Variants in PRRC1 observed in about 807,000 individuals in gnomAD.
PRRC1 encodes the protein protein PRRC1.
In PRRC1, 39 loss-of-function variants were observed where a neutral mutation model predicts 40.7. That is an observed-to-expected ratio of 0.96 (90% CI 0.74 to 1.25). The LOEUF is 1.25. Among genes scored for constraint, PRRC1 ranks in the 50% most tolerant of loss-of-function variants. PRRC1 has a pLI of 0.00. For missense variants in PRRC1, 573 were observed against 548.3 expected (o/e 1.05, Z -0.45); for synonymous variants, 175 against 193.3 (o/e 0.91, Z 0.79).
chr5:127,525,433 G>A (rs1767594224), intron 3 of PRRC1, among the ~76,000 whole-genome samples: 1 of 152,106 alleles, frequency 6.6e-6, no homozygotes, highest in Non-Finnish European at 1.5e-5. Context: ...ATCAGTTAAT[G>A]TTGGGTTGTT....
At chr5:127,518,630 A>G (rs1767379752) in intron 1 of PRRC1, among the ~76,000 whole-genome samples, 1 of 152,164 alleles carries the variant, frequency 6.6e-6, no homozygotes, top group Non-Finnish European at 1.5e-5. Flanking sequence ...AGTAGAGACA[A>G]TCTTGTGGCA....
intron 5 of PRRC1, among the ~76,000 whole-genome samples, chr5:127,530,874 CT>C (rs1767750778): frequency 6.6e-6 from 1 of 151,924 alleles, no homozygotes; most frequent in Non-Finnish European, 1.5e-5. Context: ...ATTGGGAAAG[CT>C]ATTTTTAACC....
Position 127,553,268 on chromosome 5 carries a change from A to G in PRRC1, c.*1352A>G. On this transcript the variant is annotated 3_prime_UTR_variant, in exon 9 of 9. Coordinates refer to ENST00000296666, the MANE Select transcript of PRRC1 (RefSeq NM_130809.5). ...TTTGCTTTGTGTTAATGCCACTTCA[A>G]GTCATTATTTGGTTTCTGCTATTTT... 1.0e-6 allele frequency: 1 copy of G among 987,402 alleles called. No homozygotes were observed. Among genetic ancestry groups the G allele is most frequent in the Non-Finnish European group, 1.2e-6 (1 of 831,406 alleles). The allele number at this position is 987,402 out of a possible 1,614,324, so 61.2% of individuals were successfully genotyped here.
chr5:127,551,311 A>G (rs1768375691), intron 8 of PRRC1: 1 of 202,714 alleles, frequency 4.9e-6, no homozygotes, highest in South Asian at 8.4e-5. Flanking sequence ...AATTTCCATA[A>G]TTGAGCAATT....
At chr5:127,546,859 A>G (rs1395107311) in intron 7 of PRRC1, among the ~76,000 whole-genome samples, 5 of 152,190 alleles carry the variant, frequency 3.3e-5, no homozygotes, top group African/African-American at 7.2e-5. Context: ...CAAAATATCT[A>G]TTAGTCTACC....
intron 4 of PRRC1, 26 bp downstream of exon 4, chr5:127,526,804 T>C (rs768661124): frequency 8.3e-5 from 125 of 1,501,512 alleles, no homozygotes; most frequent in Non-Finnish European, 1.0e-4. Context: ...AAATTATGTT[T>C]AATTTTCTAA....
intron 2 of PRRC1, chr5:127,524,007 T>C: frequency 6.3e-6 from 1 of 159,456 alleles, no homozygotes; most frequent in Non-Finnish European, 1.4e-5. Flanking sequence ...CCCAAGTAGC[T>C]GCAATTACAG....
rs1344274180 is a variant in PRRC1 at position 127,526,697 on chromosome 5, T to C, written c.573T>C (p.Thr191=). ...GAACTGGAACCACATCAGCCATTAC[T>C]TTCCCAGAGGAGCAAGAAGACCCTA... ...AQGTGTTSAI[T]FPEEQEDPRI... The change falls in exon 4 of 9, where the codon ACT becomes ACC. Residue 191 remains threonine, a synonymous_variant. Coordinates refer to ENST00000296666, the MANE Select transcript of PRRC1 (RefSeq NM_130809.5). 4 of 1,613,696 alleles carry C rather than the reference T, an allele frequency of 2.5e-6. No homozygotes were observed. Among genetic ancestry groups the C allele is most frequent in the Non-Finnish European group, 3.4e-6 (4 of 1,179,744 alleles).
chr5:127,552,429 A>AGAT lies in PRRC1; in HGVS notation c.*515_*517dup. ...CACTATAAGACACCTACTTGTCGGG[A>AGAT]GATGTTCCACATTTCTGTGCATGTT... On this transcript the variant is annotated 3_prime_UTR_variant, in exon 9 of 9. Coordinates refer to ENST00000296666, the MANE Select transcript of PRRC1 (RefSeq NM_130809.5). The AGAT allele has an allele frequency of 1.0e-6, 1 of 987,210 alleles. No individual in the cohort carries two copies. The highest frequency in any genetic ancestry group is 1.2e-6 in the Non-Finnish European group (1 of 830,820). 61.2% of individuals were successfully genotyped at this position (987,210 alleles called of 1,614,324 possible).
At chr5:127,518,468 G>A (rs1294688039) in intron 1 of PRRC1, among the ~76,000 whole-genome samples, 1 of 152,214 alleles carries the variant, frequency 6.6e-6, no homozygotes, top group Non-Finnish European at 1.5e-5. Context: ...ATTCGAAGTA[G>A]TTATTTTGAG....
intron 1 of PRRC1, among the ~76,000 whole-genome samples, chr5:127,519,619 T>C (rs1767406369): frequency 1.3e-5 from 2 of 152,184 alleles, no homozygotes; most frequent in Non-Finnish European, 2.9e-5. Flanking sequence ...GCTCATCTCT[T>C]ATTCTCTGCA....
In PRRC1 at chr5:127,530,330, G is replaced by A; in HGVS notation, c.691G>A (p.Asp231Asn). ...GAATCCTATGGTGAAGTCTGTGCTTGATAAGACAAAACATTCAGTAGAAAG... is the reference window on the plus strand; with the variant it reads ...GAATCCTATGGTGAAGTCTGTGCTTAATAAGACAAAACATTCAGTAGAAAG... ...AGNPMVKSVLDKTKHSVESMI... is the reference protein window; with the variant it reads ...AGNPMVKSVLNKTKHSVESMI... The change falls in exon 5 of 9, where the codon GAT becomes AAT. Residue 231 changes from aspartate (D) to asparagine (N), a missense_variant. Coordinates refer to ENST00000296666, the MANE Select transcript of PRRC1 (RefSeq NM_130809.5). 1 of 1,613,850 alleles carries A rather than the reference G, an allele frequency of 6.2e-7. No individual in the cohort carries two copies. The highest frequency in any genetic ancestry group is 1.7e-5 in the Admixed American group (1 of 60,006).
chr5:127,550,821 G>T (rs1373028722), intron 8 of PRRC1: 1 of 152,172 alleles, frequency 6.6e-6, no homozygotes, highest in Non-Finnish European at 1.5e-5. Context: ...TAGAGCAGGG[G>T]TTCCCAAGTG....
chr5:127,544,526 G>A (rs1025399454), intron 7 of PRRC1, among the ~76,000 whole-genome samples: 3 of 152,234 alleles, frequency 2.0e-5, no homozygotes, highest in Admixed American at 1.3e-4. Flanking sequence ...GCTGTGGTGG[G>A]CTCCACCCAG....
chr5:127,541,940 C>T (rs1051057409), intron 7 of PRRC1, among the ~76,000 whole-genome samples: 2 of 151,180 alleles, frequency 1.3e-5, no homozygotes, highest in Non-Finnish European at 3.0e-5. Flanking sequence ...TTTGCTCTTG[C>T]TTTTCTAGTT....
intron 5 of PRRC1, among the ~76,000 whole-genome samples, chr5:127,532,117 GT>G (rs572358905): frequency 9.7e-5 from 14 of 143,904 alleles, no homozygotes; most frequent in Middle Eastern, 3.6e-3. Context: ...TTTTTTTGTT[GT>G]TTTTTTTTTG....
chr5:127,520,501 T>C (rs550857188), intron 1 of PRRC1, among the ~76,000 whole-genome samples: 5 of 152,214 alleles, frequency 3.3e-5, no homozygotes, highest in Non-Finnish European at 7.3e-5. Flanking sequence ...CAATTTGATA[T>C]ATGCAGCAGC....
Position 127,523,558 on chromosome 5 carries a change from A to T in PRRC1, c.79A>T (p.Met27Leu), listed in dbSNP as rs779497661. ...PNPAGLAATA[M>L]SSTPVPLAAT... ...TCCTGCAGGGCTGGCTGCTACTGCT[A>T]TGTCTTCTACCCCTGTTCCATTAGG... Residue 27 changes from methionine to leucine, a missense_variant, in exon 2 of 9, where the codon ATG becomes TTG. Met to Leu is a conservative substitution (Grantham distance 15). Coordinates refer to ENST00000296666, the MANE Select transcript of PRRC1 (RefSeq NM_130809.5). 1.9e-6 allele frequency: 3 copies of T among 1,612,672 alleles called. No homozygotes were observed. The highest frequency in any genetic ancestry group is 2.5e-6 in the Non-Finnish European group (3 of 1,179,348).
chr5:127,523,339 T>G (rs554913836), intron 1 of PRRC1, 121 bp from the exon 2 acceptor site: 133 of 490,332 alleles, frequency 2.7e-4, no homozygotes, highest in Non-Finnish European at 2.9e-4. Flanking sequence ...AGTTGCATTA[T>G]AAACAGTAAA....
Sources: allele counts gnomAD v4.1 joint callset (sites outside exome capture counted in the v4.1 genomes callset), GRCh38; gene constraint gnomAD v4.1.1; transcripts MANE v1.5; gene names NCBI Gene and HGNC (gene_info 2026-07-23, HGNC 2026-07-21).